Variants in ALOX5 observed in about 807,000 individuals in gnomAD.
The protein encoded by ALOX5 is polyunsaturated fatty acid 5-lipoxygenase.
ALOX5 carries 64 observed loss-of-function variants against 87.9 expected under a neutral mutation model. The ratio of observed to expected loss-of-function variants is 0.73; its 90% CI spans 0.60 to 0.90. The LOEUF is 0.90. Ranked by LOEUF, ALOX5 falls within the 40% of genes least tolerant of loss-of-function variation. The pLI is 0.00. For synonymous variants in ALOX5, 388 were observed against 355.1 expected (o/e 1.09, Z -1.04); for missense variants, 822 against 907.5 (o/e 0.91, Z 1.21).
intron 7 of ALOX5, among the ~76,000 whole-genome samples, chr10:45,433,646 C>G (rs1369165852): frequency 1.3e-5 from 2 of 152,040 alleles, no homozygotes; most frequent in African/African-American, 2.4e-5. Flanking sequence ...TGGTTTTGGC[C>G]TAAAAGGGCG....
chr10:45,375,662 T>G (rs1839577648), intron 1 of ALOX5, among the ~76,000 whole-genome samples: 1 of 152,114 alleles, frequency 6.6e-6, no homozygotes, highest in Admixed American at 6.6e-5. Context: ...AAAACTACTC[T>G]TTTTCTGGAT....
At chr10:45,431,067 G>C (rs937103554) in intron 7 of ALOX5, among the ~76,000 whole-genome samples, 1 of 152,162 alleles carries the variant, frequency 6.6e-6, no homozygotes, top group Non-Finnish European at 1.5e-5. Context: ...TCAATATCAA[G>C]AGAGCTACCA....
rs963417793 is a variant in ALOX5, at chr10:45,395,948, C to T, written c.431+12C>T. ...CAAAAACAATATCGGTGAGTTATGA[C>T]ATCAGATCGAGTGGCCACGGGGCCA... On this transcript the variant is annotated intron_variant, in intron 3 of 13. Coordinates refer to ENST00000374391, the MANE Select transcript of ALOX5 (RefSeq NM_000698.5). 5.6e-6 allele frequency: 9 copies of T among 1,613,664 alleles called. No homozygotes were observed. Among genetic ancestry groups the T allele is most frequent in the South Asian group, 1.1e-5 (1 of 91,070 alleles).
intron 12 of ALOX5, 45 bp from the exon 13 acceptor site, chr10:45,444,071 C>T (rs1220836343): frequency 2.0e-6 from 3 of 1,495,614 alleles, no homozygotes; most frequent in Non-Finnish European, 2.7e-6. Context: ...AGCTGGGCAG[C>T]AGGGCTTCGG....
chr10:45,395,297 TC>T (rs1840455583), intron 2 of ALOX5, among the ~76,000 whole-genome samples: 1 of 152,190 alleles, frequency 6.6e-6, no homozygotes, highest in South Asian at 2.1e-4. Context: ...TGAATTCATG[TC>T]CTTTGTAGGG....
At chr10:45,402,698 A>G (rs1476782560) in intron 3 of ALOX5, among the ~76,000 whole-genome samples, 1 of 152,220 alleles carries the variant, frequency 6.6e-6, no homozygotes, top group Non-Finnish European at 1.5e-5. Context: ...TGCCTCCCTC[A>G]AGATAAGGAC....
chr10:45,374,445 G>C lies in ALOX5; in HGVS notation c.150+16G>C, dbSNP rs772593707. Reference sequence around the variant, plus strand: ...GCGTGGCGCGGTGAGCGCGGGCGGGGCACGGGTGGAGCGCGGGCTGAGGTG... The same window carrying C: ...GCGTGGCGCGGTGAGCGCGGGCGGGCCACGGGTGGAGCGCGGGCTGAGGTG... On this transcript the variant is annotated intron_variant, in intron 1 of 13. Coordinates refer to ENST00000374391, the MANE Select transcript of ALOX5 (RefSeq NM_000698.5). 5.2e-6 allele frequency: 8 copies of C among 1,536,912 alleles called. No individual in the cohort carries two copies. Among genetic ancestry groups the C allele is most frequent in the Non-Finnish European group, 7.0e-6 (8 of 1,146,360 alleles).
chr10:45,440,772 C>T (rs1842209835), intron 8 of ALOX5, 139 bp downstream of exon 8: 3 of 947,970 alleles, frequency 3.2e-6, no homozygotes, highest in Non-Finnish European at 4.7e-6. Context: ...TTCTCAGAGT[C>T]AGTAATGCCC....
intron 3 of ALOX5, among the ~76,000 whole-genome samples, chr10:45,403,937 C>G (rs898057834): frequency 6.6e-6 from 1 of 152,192 alleles, no homozygotes; most frequent in African/African-American, 2.4e-5. Context: ...CAGAGCACTT[C>G]TGGCCTGTGA....
chr10:45,394,507 G>A lies in ALOX5; in HGVS notation c.350-1348G>A, dbSNP rs953458577. 8.5e-5 allele frequency among the ~76,000 whole-genome samples: 13 copies of A among 152,232 alleles called. No individual in the cohort carries two copies. In the East Asian group the frequency reaches 1.2e-3, roughly 14 times the overall value. The stretch of plus-strand genomic sequence containing the variant: ...GACCTAAAACCATCAAAACCCTAGA[G>A]GAAAACCTAGGCAATACCATTCAGG... On this transcript the variant is annotated intron_variant, in intron 2 of 13. Transcript: ENST00000374391.
At chr10:45,392,342 T>G (rs1236892287) in intron 2 of ALOX5, among the ~76,000 whole-genome samples, 1 of 151,958 alleles carries the variant, frequency 6.6e-6, no homozygotes, top group Non-Finnish European at 1.5e-5. Context: ...CATGGGAGAC[T>G]TTTCATTTTG....
At chr10:45,420,834 A>G (rs957159155) in intron 4 of ALOX5, among the ~76,000 whole-genome samples, 4 of 152,280 alleles carry the variant, frequency 2.6e-5, no homozygotes, top group Non-Finnish European at 5.9e-5. Flanking sequence ...GTGAACCTCA[A>G]TGGCCTCATT....
At chr10:45,402,086 C>CAAAAAA (rs10649706) in intron 3 of ALOX5, among the ~76,000 whole-genome samples, 2 of 101,104 alleles carry the variant, frequency 2.0e-5, no homozygotes, top group Non-Finnish European at 3.9e-5. Context: ...GACTCCGTCT[C>CAAAAAA]AAAAAAAAAA....
At position 45,444,046 on chromosome 10, in the gene ALOX5, C is replaced by T. The variant is rs539768629; in HGVS notation, c.1675-70C>T. The stretch of plus-strand genomic sequence containing the variant: ...CTGGAGTTGGGGGGCACGGGGAGGA[C>T]GGGGCCCAGGGGGCAGCTGGGCAGC... On this transcript the variant is annotated intron_variant, in intron 12 of 13. Transcript: ENST00000374391. 39 of 1,476,592 alleles carry T rather than the reference C, an allele frequency of 2.6e-5. No homozygotes were observed. The East Asian group carries it at 8.5e-4, about 32-fold the overall frequency. 91.5% of individuals were successfully genotyped at this position (1,476,592 alleles called of 1,614,324 possible).
In ALOX5 at chr10:45,382,948, CCT is replaced by C. The variant is rs1274376712; in HGVS notation, c.349+270_349+271del. 5.3e-5 allele frequency among the ~76,000 whole-genome samples: 8 copies of C among 152,322 alleles called. No homozygotes were observed. In the South Asian group the frequency reaches 1.2e-3, roughly 24 times the overall value. ...CAGTTCTACAGGGGAGGGTTGTGCC[CCT>C]CTTTTTGTCAGTGGGTAACTAGGGT... is the stretch of plus-strand genomic sequence containing the variant. On this transcript the variant is annotated intron_variant, in intron 2 of 13. Coordinates refer to ENST00000374391, the MANE Select transcript of ALOX5 (RefSeq NM_000698.5).
At chr10:45,393,048 T>A (rs1257731245) in intron 2 of ALOX5, among the ~76,000 whole-genome samples, 3 of 152,170 alleles carry the variant, frequency 2.0e-5, no homozygotes, top group African/African-American at 7.2e-5. Context: ...GTACCATTCC[T>A]TCTGAAACTA....
At chr10:45,412,558 A>G (rs1336874012) in intron 4 of ALOX5, among the ~76,000 whole-genome samples, 1 of 152,202 alleles carries the variant, frequency 6.6e-6, no homozygotes, top group African/African-American at 2.4e-5. Context: ...TTTGGCCCAA[A>G]GCAGGGGTCT....
chr10:45,374,327 C>A lies in ALOX5; in HGVS notation c.48C>A (p.Ala16=), dbSNP rs763058133. 3.3e-6 allele frequency: 5 copies of A among 1,526,106 alleles called. No homozygotes were observed. In the African/African-American group the frequency reaches 4.3e-5, roughly 13 times the overall value. 94.5% of individuals were successfully genotyped at this position (1,526,106 alleles called of 1,614,324 possible). A position where few individuals can be genotyped will look rare whatever the true frequency, so the allele number is the denominator to read the frequency against. ...VTVATGSQWF[A]GTDDYIYLSL... is the part of the protein sequence containing the mutation. ...TGGCCACTGGCAGCCAGTGGTTCGC[C>A]GGCACTGACGACTACATCTACCTCA... Residue 16 remains alanine (A), a synonymous_variant, in exon 1 of 14, where the codon GCC becomes GCA. Transcript: ENST00000374391.
chr10:45,403,857 T>C (rs1465509931), intron 3 of ALOX5, among the ~76,000 whole-genome samples: 1 of 152,216 alleles, frequency 6.6e-6, no homozygotes, highest in African/African-American at 2.4e-5. Flanking sequence ...AGGGCTGTTG[T>C]TTCTATGCTT....
Sources: allele counts gnomAD v4.1 joint callset (sites outside exome capture counted in the v4.1 genomes callset), GRCh38; gene constraint gnomAD v4.1.1; transcripts MANE v1.5; gene names NCBI Gene and HGNC (gene_info 2026-07-23, HGNC 2026-07-21).